SPSB1: variants seen among roughly 807,000 people sequenced by gnomAD.
SPSB1 encodes splA/ryanodine receptor domain and SOCS box containing 1, also known as SPRY domain-containing SOCS box protein 1.
A neutral mutation model predicts 21.2 loss-of-function variants in SPSB1; 8 were observed. The ratio of observed to expected loss-of-function variants is 0.38; its 90% confidence interval spans 0.22 to 0.68. The LOEUF (loss-of-function observed/expected upper bound fraction) is 0.68, where lower values mean the gene tolerates loss of function less well. Among genes scored for constraint, SPSB1 ranks in the 30% least tolerant of loss-of-function variants. The probability of loss-of-function intolerance (pLI) is 0.53; values close to 1 mark genes in which losing one functional copy is unlikely to be tolerated. For synonymous variants in SPSB1, 169 were observed against 161.7 expected (o/e 1.05, Z -0.34); for missense variants, 242 against 377.8 (o/e 0.64, Z 2.98).
chr1:9,362,730 T>C (rs779560522), intron 2 of SPSB1, among the ~76,000 whole-genome samples: 3 of 152,196 alleles, frequency 2.0e-5, no homozygotes, highest in Non-Finnish European at 4.4e-5. Context: ...GGGCTGTGCA[T>C]GTTCACGTGG....
intron 2 of SPSB1, among the ~76,000 whole-genome samples, chr1:9,364,340 A>G (rs1005246): frequency 0.83 from 126,742 of 152,300 alleles, 53,084 homozygotes; most frequent in East Asian, 0.96. Context: ...AGGCCAGACC[A>G]CAGGCTGCGA....
At chr1:9,297,444 G>A (rs567533106) in intron 1 of SPSB1, among the ~76,000 whole-genome samples, 2 of 152,160 alleles carry the variant, frequency 1.3e-5, no homozygotes, top group African/African-American at 4.8e-5. Flanking sequence ...GGCCAATCTG[G>A]TCACACCCTT....
In SPSB1 at chr1:9,324,489, G is replaced by A. The variant is rs189815143; in HGVS notation, c.-149-31254G>A. Among the ~76,000 whole-genome samples, 38 of 131,730 alleles carry A rather than the reference G, an allele frequency of 2.9e-4. No homozygotes were observed. Among genetic ancestry groups the A allele is most frequent in the Non-Finnish European group, 6.2e-4 (35 of 56,022 alleles). 86.4% of individuals were successfully genotyped at this position (131,730 alleles called of 152,430 possible). On this transcript the variant is annotated intron_variant, in intron 1 of 2. Transcript: ENST00000328089. This position sits in a 1 kb window ranked among gnomAD's most constrained non-coding sequence, Gnocchi z 4.3. ...TGTCTCTCTGTGCCCAGCCTCTGGAGGGTCGGCTCGGAGGGCTGTGGGCCC... is the reference window on the plus strand; with the variant it reads ...TGTCTCTCTGTGCCCAGCCTCTGGAAGGTCGGCTCGGAGGGCTGTGGGCCC...
At chr1:9,294,461 C>A (rs56333749) in intron 1 of SPSB1, 26,955 of 152,220 alleles carry the variant, frequency 0.18, 2,689 homozygotes, top group Middle Eastern at 0.26. Context: ...GATAGCCGGG[C>A]ATGCTGGGCC....
At chr1:9,354,734 G>T (rs914180364) in intron 1 of SPSB1, among the ~76,000 whole-genome samples, 2 of 152,084 alleles carry the variant, frequency 1.3e-5, no homozygotes, top group African/African-American at 4.8e-5. Flanking sequence ...CCAGGAGGTG[G>T]AGGTTGCAGT....
intron 1 of SPSB1, among the ~76,000 whole-genome samples, chr1:9,326,609 T>TG (rs1358292261): frequency 6.6e-6 from 1 of 152,120 alleles, no homozygotes; most frequent in African/African-American, 2.4e-5. Flanking sequence ...CCCAAGAAGC[T>TG]GGGGGACCAG....
chr1:9,349,685 C>G (rs1640219688), intron 1 of SPSB1, among the ~76,000 whole-genome samples: 1 of 152,260 alleles, frequency 6.6e-6, no homozygotes, highest in Admixed American at 6.5e-5. Context: ...CTCTTCGATC[C>G]AGATGAGATG....
intron 1 of SPSB1, among the ~76,000 whole-genome samples, chr1:9,310,057 G>A (rs1045804696): frequency 4.0e-4 from 58 of 146,762 alleles, no homozygotes; most frequent in African/African-American, 1.4e-3. Flanking sequence ...CTCCTCAGGT[G>A]GGGGATGGTG....
At chr1:9,366,578 T>TTC (rs1640575426) in intron 2 of SPSB1, among the ~76,000 whole-genome samples, 1 of 88,412 alleles carries the variant, frequency 1.1e-5, no homozygotes. Context: ...TCCTCAGTTC[T>TTC]TTTTTTTTTT....
chr1:9,323,431 CAG>C (rs978043161), intron 1 of SPSB1, among the ~76,000 whole-genome samples: 16 of 152,168 alleles, frequency 1.1e-4, no homozygotes, highest in Admixed American at 2.6e-4. Context: ...GCAGAGATCT[CAG>C]GGGATGTCAG....
intron 1 of SPSB1, among the ~76,000 whole-genome samples, chr1:9,302,112 C>T (rs1478233649): frequency 6.6e-6 from 1 of 152,174 alleles, no homozygotes; most frequent in Admixed American, 6.5e-5. Flanking sequence ...CCACTGGTTT[C>T]GCCTATCATG....
chr1:9,338,401 TG>T (rs1253478271), intron 1 of SPSB1, among the ~76,000 whole-genome samples: 1 of 152,198 alleles, frequency 6.6e-6, no homozygotes, highest in Non-Finnish European at 1.5e-5. Flanking sequence ...TAGGCTATCC[TG>T]GCTGCGCCTA....
intron 1 of SPSB1, among the ~76,000 whole-genome samples, chr1:9,344,876 G>C (rs756674581): frequency 4.6e-5 from 7 of 152,066 alleles, no homozygotes; most frequent in African/African-American, 7.2e-5. Context: ...GGGACATGAG[G>C]GTGACCCAAG....
chr1:9,320,277 C>T (rs931794377), intron 1 of SPSB1, among the ~76,000 whole-genome samples: 1 of 152,224 alleles, frequency 6.6e-6, no homozygotes, highest in Non-Finnish European at 1.5e-5. Flanking sequence ...GACTGCAGGG[C>T]GGTCATCAGC....
intron 1 of SPSB1, among the ~76,000 whole-genome samples, chr1:9,335,661 A>G (rs777352214): frequency 1.3e-5 from 2 of 152,130 alleles, no homozygotes; most frequent in Non-Finnish European, 2.9e-5. Context: ...CTAGCTGAGC[A>G]TGGTGGTGCA....
intron 1 of SPSB1, among the ~76,000 whole-genome samples, chr1:9,328,561 CAG>C (rs1360416482): frequency 6.6e-6 from 1 of 152,190 alleles, no homozygotes; most frequent in Non-Finnish European, 1.5e-5. Context: ...CTCTAAGGCC[CAG>C]AGAGGTAAAC....
At chr1:9,318,646 GCCAGACC>G (rs1356575385) in intron 1 of SPSB1, among the ~76,000 whole-genome samples, 3 of 152,234 alleles carry the variant, frequency 2.0e-5, no homozygotes, top group Non-Finnish European at 4.4e-5. Context: ...ATTGACCAAA[GCCAGACC>G]GTGTGGCTGG....
chr1:9,312,957 C>G (rs950264241), intron 1 of SPSB1, among the ~76,000 whole-genome samples: 2 of 152,188 alleles, frequency 1.3e-5, no homozygotes, highest in Non-Finnish European at 2.9e-5. Flanking sequence ...GGCTTTAGAA[C>G]AAGACCAGTT....
Position 9,310,954 on chromosome 1 carries a change from C to T in SPSB1, c.-150+17883C>T, listed in dbSNP as rs547444831. On this transcript the variant is annotated intron_variant, in intron 1 of 2. Transcript: ENST00000328089. ...GTACATGTCAGGGTTCTTCTAAAAA[C>T]ACTTCGCCATCTTTGGAAAAATGGA... Among the ~76,000 whole-genome samples, 7 of 152,280 alleles carry T rather than the reference C, an allele frequency of 4.6e-5. 1 individual carries two copies. The East Asian group carries it at 1.3e-3, about 29-fold the overall frequency.
Sources: allele counts gnomAD v4.1 joint callset (sites outside exome capture counted in the v4.1 genomes callset), GRCh38; gene constraint gnomAD v4.1.1; non-coding constraint Gnocchi (gnomAD v3.1); transcripts MANE v1.5; gene names NCBI Gene and HGNC (gene_info 2026-07-23, HGNC 2026-07-21).